The following GALNT17 variants were observed in gnomAD, a reference collection of about 807,000 sequenced individuals.
The protein encoded by GALNT17 is polypeptide N-acetylgalactosaminyltransferase 17.
Under a neutral mutation model 63.7 loss-of-function variants are expected in GALNT17, and 29 were observed. The ratio of observed to expected loss-of-function variants is 0.46; its 90% confidence interval spans 0.34 to 0.62. The LOEUF is 0.62. Among genes scored for constraint, GALNT17 ranks in the 20% least tolerant of loss-of-function variants. The probability of loss-of-function intolerance (pLI) is 0.01; values close to 1 mark genes in which losing one functional copy is unlikely to be tolerated. For missense variants in GALNT17, 603 were observed against 799.6 expected (o/e 0.75, Z 2.97); for synonymous variants, 305 against 318.3 (o/e 0.96, Z 0.45).
intron 3 of GALNT17, among the ~76,000 whole-genome samples, chr7:71,396,764 A>G (rs1445233986): frequency 8.3e-6 from 1 of 120,172 alleles, no homozygotes; most frequent in Admixed American, 7.7e-5. Context: ...ATGTCTTTCT[A>G]TTTATTTATG....
chr7:71,523,166 G>A (rs113021197), intron 5 of GALNT17, among the ~76,000 whole-genome samples: 7,149 of 152,246 alleles, frequency 0.047, 327 homozygotes, highest in African/African-American at 0.12. Flanking sequence ...TGGCTCATGC[G>A]TGTAATCCCA....
intron 2 of GALNT17, among the ~76,000 whole-genome samples, chr7:71,368,524 C>T (rs1469336007): frequency 2.0e-5 from 3 of 152,174 alleles, no homozygotes; most frequent in Non-Finnish European, 4.4e-5. Flanking sequence ...GAAACCTTCC[C>T]TGGGCCCCGT....
intron 5 of GALNT17, among the ~76,000 whole-genome samples, chr7:71,449,103 A>ATTTTTTTTTTTTTTT (rs1583963031): frequency 2.2e-5 from 1 of 45,622 alleles, no homozygotes; most frequent in African/African-American, 8.2e-5. Flanking sequence ...ACAGCTGCCT[A>ATTTTTTTTTTTTTTT]TTTTCTTTTT....
At chr7:71,479,789 G>T (rs1474205289) in intron 5 of GALNT17, among the ~76,000 whole-genome samples, 1 of 152,168 alleles carries the variant, frequency 6.6e-6, no homozygotes, top group East Asian at 1.9e-4. Flanking sequence ...AGATGGAGCT[G>T]ATATTCTCAG....
intron 6 of GALNT17, among the ~76,000 whole-genome samples, chr7:71,582,285 T>A (rs1269768093): frequency 6.6e-6 from 1 of 151,864 alleles, no homozygotes; most frequent in Admixed American, 6.6e-5. Flanking sequence ...GGATGGAGAA[T>A]CTGTGGTGGC....
chr7:71,354,013 A>G (rs1184316143), intron 2 of GALNT17, among the ~76,000 whole-genome samples: 1 of 151,724 alleles, frequency 6.6e-6, no homozygotes, highest in Non-Finnish European at 1.5e-5. Flanking sequence ...CAGGATCAAG[A>G]GAGAGAGAGA....
intron 6 of GALNT17, among the ~76,000 whole-genome samples, chr7:71,591,819 C>A (rs1043566131): frequency 6.6e-6 from 1 of 151,978 alleles, no homozygotes; most frequent in East Asian, 1.9e-4. Context: ...CATGCCACCA[C>A]GCCCAGCTAA....
intron 5 of GALNT17, among the ~76,000 whole-genome samples, chr7:71,517,044 C>T (rs1275760254): frequency 6.6e-6 from 1 of 152,120 alleles, no homozygotes; most frequent in Non-Finnish European, 1.5e-5. Flanking sequence ...CCCAGGGGCT[C>T]CTTTACAGTA....
chr7:71,565,835 C>T (rs1192001149), intron 5 of GALNT17, among the ~76,000 whole-genome samples: 1 of 143,972 alleles, frequency 6.9e-6, no homozygotes, highest in Non-Finnish European at 1.5e-5. Context: ...TTTTTTTTCT[C>T]TTCTCTTTTC....
At chr7:71,711,158 T>C (rs2115569463) in intron 10 of GALNT17, among the ~76,000 whole-genome samples, 1 of 152,250 alleles carries the variant, frequency 6.6e-6, no homozygotes. Context: ...GGTTGAGCTC[T>C]GATCAATCCT....
chr7:71,681,386 A>G (rs967430489), intron 9 of GALNT17, among the ~76,000 whole-genome samples: 2 of 152,176 alleles, frequency 1.3e-5, no homozygotes, highest in Non-Finnish European at 2.9e-5. Flanking sequence ...GAATAGACCA[A>G]ATGAAAAGCC....
chr7:71,508,169 T>A (rs1364200277), intron 5 of GALNT17, among the ~76,000 whole-genome samples: 1 of 152,196 alleles, frequency 6.6e-6, no homozygotes, highest in Non-Finnish European at 1.5e-5. Context: ...CTGCTTAGTT[T>A]CTTTCCCTGG....
chr7:71,228,665 C>G (rs1396488867), intron 1 of GALNT17, among the ~76,000 whole-genome samples: 1 of 152,184 alleles, frequency 6.6e-6, no homozygotes, highest in Admixed American at 6.6e-5. Flanking sequence ...ATCTTCCAAT[C>G]TTTCTATGCT....
chr7:71,292,634 G>GGA (rs148278821), intron 1 of GALNT17, among the ~76,000 whole-genome samples: 19,781 of 132,914 alleles, frequency 0.15, 1,333 homozygotes, highest in Middle Eastern at 0.25. Flanking sequence ...TTTGGGAGAG[G>GGA]GAGAGAGAGA....
At chr7:71,343,632 T>C (rs1583876126) in intron 2 of GALNT17, among the ~76,000 whole-genome samples, 1 of 152,306 alleles carries the variant, frequency 6.6e-6, no homozygotes, top group South Asian at 2.1e-4. Context: ...TAAAAAGATA[T>C]TATCCCTCAG....
At chr7:71,289,290 TA>T (rs1304502257) in intron 1 of GALNT17, among the ~76,000 whole-genome samples, 3 of 152,100 alleles carry the variant, frequency 2.0e-5, no homozygotes, top group Admixed American at 6.6e-5. Flanking sequence ...ATAATTGAAT[TA>T]AAATATTCTG....
intron 5 of GALNT17, among the ~76,000 whole-genome samples, chr7:71,426,203 G>C (rs1472596508): frequency 6.6e-6 from 1 of 152,180 alleles, no homozygotes; most frequent in South Asian, 2.1e-4. Flanking sequence ...GGGGCTGGGG[G>C]ATTTGGGGAA....
intron 1 of GALNT17, among the ~76,000 whole-genome samples, chr7:71,275,592 C>T (rs76995450): frequency 0.032 from 4,885 of 152,194 alleles, 130 homozygotes; most frequent in Non-Finnish European, 0.041. Flanking sequence ...CAGCTCAGCG[C>T]CTGTCACATG....
At chr7:71,336,538 T>G (rs1349519339) in intron 2 of GALNT17, among the ~76,000 whole-genome samples, 1 of 152,178 alleles carries the variant, frequency 6.6e-6, no homozygotes, top group East Asian at 1.9e-4. Flanking sequence ...TGTTCCCCTC[T>G]TTATGTCCAT....
Sources: gnomAD v4.1 joint callset for allele counts (sites outside exome capture counted in the v4.1 genomes callset) on GRCh38, gnomAD v4.1.1 for gene constraint, MANE v1.5 for transcripts, NCBI Gene and HGNC (gene_info 2026-07-23, HGNC 2026-07-21) for gene names.